CNTNAP5: variants seen among roughly 807,000 people sequenced by gnomAD.
The protein encoded by CNTNAP5 is contactin-associated protein-like 5.
In CNTNAP5, 72 loss-of-function variants were observed where a neutral mutation model predicts 150.2. That is an observed-to-expected ratio of 0.48 (90% CI 0.40 to 0.58). The LOEUF (loss-of-function observed/expected upper bound fraction) is 0.58, where lower values mean the gene tolerates loss of function less well. Ranked by LOEUF, CNTNAP5 falls within the 20% of genes least tolerant of loss-of-function variation. The probability of loss-of-function intolerance (pLI) is 0.00; values close to 1 mark genes in which losing one functional copy is unlikely to be tolerated. For synonymous variants in CNTNAP5, 672 were observed against 619.8 expected (o/e 1.08, Z -1.25); for missense variants, 1,636 against 1,626.2 (o/e 1.01, Z -0.10).
chr2:124,781,448 G>T lies in CNTNAP5; in HGVS notation c.2752+8431G>T, dbSNP rs1157396050. ...TATATTGGTGAAATAAGATTAATTTGCAGTTAGTACAATGTCTAGGGAAAT... is the reference window on the plus strand; with the variant it reads ...TATATTGGTGAAATAAGATTAATTTTCAGTTAGTACAATGTCTAGGGAAAT... On this transcript the variant is annotated intron_variant, in intron 17 of 23. Coordinates refer to ENST00000682447, the MANE Select transcript of CNTNAP5 (RefSeq NM_001367498.1). 2.6e-5 allele frequency among the ~76,000 whole-genome samples: 4 copies of T among 152,162 alleles called. No homozygotes were observed. The East Asian group carries it at 7.7e-4, about 29-fold the overall frequency.
intron 19 of CNTNAP5, among the ~76,000 whole-genome samples, chr2:124,859,880 AG>A (rs904531293): frequency 1.6e-4 from 24 of 152,076 alleles, no homozygotes; most frequent in Non-Finnish European, 2.9e-4. Flanking sequence ...GGACACAGGA[AG>A]GGGAACATCA....
intron 19 of CNTNAP5, among the ~76,000 whole-genome samples, chr2:124,851,436 T>C (rs1683154070): frequency 6.6e-6 from 1 of 152,186 alleles, no homozygotes; most frequent in African/African-American, 2.4e-5. Flanking sequence ...AGGAATCAAA[T>C]TTTAAAGAGA....
chr2:124,137,117 G>A (rs1443669680), intron 1 of CNTNAP5, among the ~76,000 whole-genome samples: 1 of 152,226 alleles, frequency 6.6e-6, no homozygotes, highest in South Asian at 2.1e-4. Context: ...AGCTCCTCAA[G>A]GGCTAGATGA....
chr2:124,105,866 A>T (rs1235560187), intron 1 of CNTNAP5, among the ~76,000 whole-genome samples: 1 of 151,940 alleles, frequency 6.6e-6, no homozygotes, highest in Non-Finnish European at 1.5e-5. Flanking sequence ...CCTAGTGATT[A>T]TTTTTTTGAG....
chr2:124,584,221 CAAG>C (rs1353240322), intron 11 of CNTNAP5, among the ~76,000 whole-genome samples: 10 of 152,136 alleles, frequency 6.6e-5, no homozygotes, highest in African/African-American at 2.4e-4. Context: ...TCGGGTTTTG[CAAG>C]AAGATCTTGA....
intron 10 of CNTNAP5, among the ~76,000 whole-genome samples, chr2:124,559,002 T>C (rs560000491): frequency 5.3e-5 from 8 of 152,258 alleles, no homozygotes; most frequent in Non-Finnish European, 1.2e-4. Flanking sequence ...TCCATTGCTG[T>C]GCATTTGCCT....
chr2:124,585,569 A>C (rs2104953540), intron 11 of CNTNAP5, among the ~76,000 whole-genome samples: 1 of 151,776 alleles, frequency 6.6e-6, no homozygotes, highest in African/African-American at 2.4e-5. Flanking sequence ...AAGAAAAAAC[A>C]ATTGTTCTTT....
At chr2:124,427,513 G>A (rs1046234744) in intron 4 of CNTNAP5, among the ~76,000 whole-genome samples, 1 of 151,892 alleles carries the variant, frequency 6.6e-6, no homozygotes, top group Non-Finnish European at 1.5e-5. Context: ...CTAGAGTGCA[G>A]TGACACAATC....
intron 18 of CNTNAP5, 129 bp from the exon 19 acceptor site, chr2:124,797,967 A>C (rs1681882158): frequency 1.6e-6 from 1 of 638,080 alleles, no homozygotes; most frequent in African/African-American, 1.8e-5. Flanking sequence ...TGTGGGGAAC[A>C]TGTTGTCTGA....
chr2:124,847,707 C>T (rs1300284032), intron 19 of CNTNAP5, among the ~76,000 whole-genome samples: 1 of 152,136 alleles, frequency 6.6e-6, no homozygotes, highest in Non-Finnish European at 1.5e-5. Context: ...CCACACACTG[C>T]TCTGTCCATC....
chr2:124,846,487 T>C (rs1683050528), intron 19 of CNTNAP5, among the ~76,000 whole-genome samples: 1 of 152,138 alleles, frequency 6.6e-6, no homozygotes, highest in Admixed American at 6.6e-5. Flanking sequence ...GTATCAGGTT[T>C]TTGATTTCTT....
intron 1 of CNTNAP5, among the ~76,000 whole-genome samples, chr2:124,070,499 A>C (rs1682279349): frequency 6.6e-6 from 1 of 151,850 alleles, no homozygotes; most frequent in Non-Finnish European, 1.5e-5. Context: ...GGAATGAAAA[A>C]TAGATATTCT....
At chr2:124,253,520 A>G (rs982903716) in intron 3 of CNTNAP5, among the ~76,000 whole-genome samples, 2 of 152,158 alleles carry the variant, frequency 1.3e-5, no homozygotes, top group Non-Finnish European at 2.9e-5. Flanking sequence ...AAAAGCAACA[A>G]TTGCAATTCT....
At chr2:124,186,863 C>T (rs926989550) in intron 1 of CNTNAP5, among the ~76,000 whole-genome samples, 1 of 152,204 alleles carries the variant, frequency 6.6e-6, no homozygotes, top group Non-Finnish European at 1.5e-5. Flanking sequence ...TGGCATTTAA[C>T]TGACTAAATT....
intron 1 of CNTNAP5, among the ~76,000 whole-genome samples, chr2:124,104,695 C>T (rs973245764): frequency 5.3e-5 from 8 of 152,076 alleles, no homozygotes; most frequent in African/African-American, 1.7e-4. Context: ...ACTTGCAGAA[C>T]GCATTACCAT....
Position 124,578,789 on chromosome 2 carries a change from A to G in CNTNAP5, c.1756+15466A>G, listed in dbSNP as rs553306009. On this transcript the variant is annotated intron_variant, in intron 11 of 23. Transcript: ENST00000682447. ...CCCTGTCTCAAAAATAAATAAGTAAATAAATAAATAAATAAATAAATAAAT... is the reference window on the plus strand; with the variant it reads ...CCCTGTCTCAAAAATAAATAAGTAAGTAAATAAATAAATAAATAAATAAAT... Among the ~76,000 whole-genome samples, 30 of 150,850 alleles carry G rather than the reference A, an allele frequency of 2.0e-4. No homozygotes were observed. The South Asian group carries it at 5.8e-3, about 29-fold the overall frequency.
chr2:124,279,120 C>T (rs1428494838), intron 3 of CNTNAP5, among the ~76,000 whole-genome samples: 9 of 151,914 alleles, frequency 5.9e-5, no homozygotes, highest in South Asian at 2.1e-4. Flanking sequence ...CTCTGATTGA[C>T]GCCGCTGTCT....
chr2:124,081,350 C>T (rs530642435), intron 1 of CNTNAP5, among the ~76,000 whole-genome samples: 26 of 152,258 alleles, frequency 1.7e-4, no homozygotes, highest in African/African-American at 5.5e-4. Flanking sequence ...GATCTGTGAA[C>T]ATTTTTCTTC....
At chr2:124,358,159 G>A (rs13388709) in intron 3 of CNTNAP5, among the ~76,000 whole-genome samples, 1 of 151,956 alleles carries the variant, frequency 6.6e-6, no homozygotes, top group Non-Finnish European at 1.5e-5. Context: ...ATTTTGTATC[G>A]TGAGACTCTG....
Sources: allele counts gnomAD v4.1 joint callset (sites outside exome capture counted in the v4.1 genomes callset), GRCh38; gene constraint gnomAD v4.1.1; transcripts MANE v1.5; gene names NCBI Gene and HGNC (gene_info 2026-07-23, HGNC 2026-07-21).